Variants in ZNF438 observed in about 807,000 individuals in gnomAD.
ZNF438 encodes zinc finger protein 438.
ZNF438 carries 25 observed loss-of-function variants against 38.0 expected under a neutral mutation model. The observed-to-expected ratio is 0.66, with a 90% CI of 0.48 to 0.92. ZNF438 has a LOEUF of 0.92. Among genes scored for constraint, ZNF438 ranks in the 40% least tolerant of loss-of-function variants. ZNF438 has a pLI of 0.00. For missense variants in ZNF438, 1,007 were observed against 999.6 expected, an observed-to-expected ratio of 1.01 and a Z score of -0.10; for synonymous variants, 372 against 364.1, an observed-to-expected ratio of 1.02 and a Z score of -0.25.
At chr10:30,907,705 G>C (rs1348459382) in intron 3 of ZNF438, among the ~76,000 whole-genome samples, 1 of 151,732 alleles carries the variant, frequency 6.6e-6, no homozygotes, top group Admixed American at 6.6e-5. Context: ...CTCTTTCTTT[G>C]TTGATTATTC....
intron 4 of ZNF438, among the ~76,000 whole-genome samples, chr10:30,853,060 T>C (rs1245334910): frequency 6.6e-6 from 1 of 152,224 alleles, no homozygotes; most frequent in African/African-American, 2.4e-5. Flanking sequence ...AAATTATTGA[T>C]GGCTTTTGGT....
At chr10:30,900,036 T>A (rs767993387) in intron 3 of ZNF438, among the ~76,000 whole-genome samples, 20 of 152,236 alleles carry the variant, frequency 1.3e-4, no homozygotes, top group Non-Finnish European at 2.8e-4. Context: ...CTGTAAAGGG[T>A]TACATGGTAA....
chr10:30,870,514 G>C (rs1460075058), intron 4 of ZNF438, among the ~76,000 whole-genome samples: 1 of 151,784 alleles, frequency 6.6e-6, no homozygotes, highest in Non-Finnish European at 1.5e-5. Flanking sequence ...GTGCTGTCTA[G>C]TGCTCCTAAC....
At position 31,024,530 on chromosome 10, in the gene ZNF438, A is replaced by T. The variant is rs368308522; in HGVS notation, c.-192+7303T>A. The stretch of plus-strand genomic sequence containing the variant: ...GCAGTCCTAGCTACTAGGGAGGCTG[A>T]GGCAAGAGAATGGCGTGAACCCGGG... On this transcript the variant is annotated intron_variant, in intron 1 of 5. Transcript: ENST00000413025. Among the ~76,000 whole-genome samples the T allele has an allele frequency of 2.0e-5, 3 of 152,244 alleles. No individual in the cohort carries two copies. The East Asian group carries it at 5.8e-4, about 29-fold the overall frequency.
exon 5 of ZNF438, chr10:30,849,792 G>A (rs368088053): frequency 1.8e-5 from 29 of 1,613,994 alleles, no homozygotes; most frequent in Non-Finnish European, 2.5e-5. Context: ...GTCACTGGTG[G>A]TCTCAAGTCC....
At chr10:30,928,917 A>G (rs2045292115) in intron 2 of ZNF438, among the ~76,000 whole-genome samples, 1 of 152,140 alleles carries the variant, frequency 6.6e-6, no homozygotes, top group South Asian at 2.1e-4. Flanking sequence ...CAACCTCCTG[A>G]TATCACTGTC....
At chr10:30,885,559 A>G (rs570879929) in intron 3 of ZNF438, among the ~76,000 whole-genome samples, 1 of 152,320 alleles carries the variant, frequency 6.6e-6, no homozygotes, top group Non-Finnish European at 1.5e-5. Context: ...TGAGGTGCTC[A>G]AAGAAAATTA....
intron 3 of ZNF438, among the ~76,000 whole-genome samples, chr10:30,903,870 T>C (rs933676712): frequency 4.6e-5 from 7 of 152,206 alleles, no homozygotes; most frequent in Non-Finnish European, 1.0e-4. Context: ...TGTGATGCAA[T>C]TACTGCTGTT....
chr10:30,855,105 C>T (rs756749469), intron 4 of ZNF438, among the ~76,000 whole-genome samples: 3 of 152,144 alleles, frequency 2.0e-5, no homozygotes, highest in South Asian at 2.1e-4. Context: ...TGTGCTTCAA[C>T]GGATCTTCAA....
At chr10:30,871,555 T>C (rs2037411115) in intron 4 of ZNF438, among the ~76,000 whole-genome samples, 1 of 152,206 alleles carries the variant, frequency 6.6e-6, no homozygotes, top group Non-Finnish European at 1.5e-5. Flanking sequence ...ACTTTAAGAA[T>C]GATATGAGTA....
At chr10:30,875,736 C>T (rs1384267946) in intron 4 of ZNF438, among the ~76,000 whole-genome samples, 2 of 152,314 alleles carry the variant, frequency 1.3e-5, no homozygotes, top group East Asian at 1.9e-4. Context: ...GGATCAACTC[C>T]TGGGTAAGAA....
At chr10:31,021,733 G>A (rs1193012284) in intron 1 of ZNF438, among the ~76,000 whole-genome samples, 3 of 152,100 alleles carry the variant, frequency 2.0e-5, no homozygotes, top group Non-Finnish European at 4.4e-5. Context: ...CACCAACAAC[G>A]CATTTGGCCT....
chr10:30,932,164 G>T (rs2045765308), intron 2 of ZNF438, among the ~76,000 whole-genome samples: 1 of 152,054 alleles, frequency 6.6e-6, no homozygotes, highest in African/African-American at 2.4e-5. Context: ...TAGGGGCCAG[G>T]CAGGTAATCT....
At chr10:30,993,846 G>A (rs544901831) in intron 1 of ZNF438, among the ~76,000 whole-genome samples, 11 of 152,384 alleles carry the variant, frequency 7.2e-5, no homozygotes, top group African/African-American at 2.6e-4. Flanking sequence ...AACCACTTGA[G>A]GCCTTGGAGG....
chr10:30,871,816 T>C (rs2037457135), intron 4 of ZNF438, among the ~76,000 whole-genome samples: 1 of 152,164 alleles, frequency 6.6e-6, no homozygotes, highest in African/African-American at 2.4e-5. Context: ...ATGTAAAGAT[T>C]TGGGAAATTA....
chr10:30,845,375 T>A, exon 6 of ZNF438: 1 of 1,614,160 alleles, frequency 6.2e-7, no homozygotes, highest in Non-Finnish European at 8.5e-7. Flanking sequence ...GCACCAACTC[T>A]TCCTGAGTCC....
chr10:30,974,174 A>C (rs571892266), intron 1 of ZNF438, among the ~76,000 whole-genome samples: 1 of 152,310 alleles, frequency 6.6e-6, no homozygotes, highest in East Asian at 1.9e-4. Flanking sequence ...TTTCTCCAGG[A>C]AAAAATGGTG....
intron 1 of ZNF438, among the ~76,000 whole-genome samples, chr10:30,959,006 C>T (rs80050345): frequency 0.093 from 13,609 of 146,640 alleles, 2,261 homozygotes; most frequent in Non-Finnish European, 0.13. Flanking sequence ...ATATCTATTA[C>T]AAATAATGTT....
At chr10:30,949,469 G>C (rs1008406999) in intron 1 of ZNF438, among the ~76,000 whole-genome samples, 79 of 151,992 alleles carry the variant, frequency 5.2e-4, no homozygotes, top group African/African-American at 1.7e-3. Context: ...TTGGACAAAG[G>C]GTCAAGACCC....
Sources: allele counts gnomAD v4.1 joint callset (sites outside exome capture counted in the v4.1 genomes callset), GRCh38; gene constraint gnomAD v4.1.1; transcripts MANE v1.5; gene names NCBI Gene and HGNC (gene_info 2026-07-23, HGNC 2026-07-21).